The following DCC variants were observed in gnomAD, a reference collection of about 807,000 sequenced individuals.
DCC encodes DCC netrin 1 receptor.
DCC carries 58 observed loss-of-function variants against 172.5 expected under a neutral mutation model. The observed-to-expected ratio is 0.34, with a 90% confidence interval of 0.27 to 0.42. DCC has a LOEUF of 0.42. DCC is among the 10% of genes least tolerant of loss of function. The pLI, the probability that DCC is intolerant of heterozygous loss-of-function variation, is 1.00. For synonymous variants in DCC, 709 were observed against 644.5 expected (o/e 1.10, Z -1.52); for missense variants, 1,740 against 1,791.0 (o/e 0.97, Z 0.51).
At chr18:53,192,887 A>C (rs745888211) in intron 9 of DCC, among the ~76,000 whole-genome samples, 1 of 152,152 alleles carries the variant, frequency 6.6e-6, no homozygotes, top group East Asian at 1.9e-4. Context: ...TCAGTGAACA[A>C]CACCAGAATC....
chr18:53,190,911 A>G (rs1248494526), intron 9 of DCC, among the ~76,000 whole-genome samples: 3 of 152,160 alleles, frequency 2.0e-5, no homozygotes, highest in Non-Finnish European at 4.4e-5. Flanking sequence ...GCGTCACTGC[A>G]CTCTTGCCTG....
intron 1 of DCC, among the ~76,000 whole-genome samples, chr18:52,630,393 T>A (rs959304953): frequency 1.3e-5 from 2 of 152,240 alleles, no homozygotes; most frequent in Non-Finnish European, 2.9e-5. Flanking sequence ...AATTAGATTC[T>A]GAGCTATGCT....
rs1035859083 is a variant in DCC, at chr18:53,467,767, C to T, written c.3620-127C>T. 32 of 755,198 alleles carry T rather than the reference C, an allele frequency of 4.2e-5. 1 individual carries two copies. Among genetic ancestry groups the T allele is most frequent in the Middle Eastern group, 5.2e-4 (2 of 3,856 alleles). The allele number at this position is 755,198 out of a possible 1,614,324, so 46.8% of individuals were successfully genotyped here. A position where few individuals can be genotyped will look rare whatever the true frequency, so the allele number is the denominator to read the frequency against. ...TGTACAATGAAATAGATTCAGGTAA[C>T]AAGAAGGTAGATACTATCATAGAAA... On this transcript the variant is annotated intron_variant, in intron 24 of 28. Coordinates refer to ENST00000442544, the MANE Select transcript of DCC (RefSeq NM_005215.4).
At chr18:52,911,803 TTC>T (rs970326026) in intron 3 of DCC, among the ~76,000 whole-genome samples, 6 of 151,994 alleles carry the variant, frequency 3.9e-5, no homozygotes, top group Admixed American at 3.3e-4. Flanking sequence ...GAAGAAAACT[TTC>T]TCTTATACCA....
At chr18:52,589,898 A>G (rs1404683249) in intron 1 of DCC, among the ~76,000 whole-genome samples, 3 of 152,240 alleles carry the variant, frequency 2.0e-5, no homozygotes, top group Admixed American at 6.5e-5. Context: ...AGAAAGGCTT[A>G]TAAGGAGGAA....
intron 5 of DCC, among the ~76,000 whole-genome samples, chr18:52,967,031 A>G (rs2040943944): frequency 6.6e-6 from 1 of 152,116 alleles, no homozygotes; most frequent in Admixed American, 6.5e-5. Context: ...ACTAATGGTG[A>G]GGCAGGGAAA....
At chr18:53,211,073 T>C (rs981577200) in intron 11 of DCC, among the ~76,000 whole-genome samples, 1 of 152,210 alleles carries the variant, frequency 6.6e-6, no homozygotes, top group Admixed American at 6.5e-5. Context: ...TATGAACGAA[T>C]GAACCATTGA....
At chr18:53,314,170 A>T (rs1405653272) in intron 13 of DCC, among the ~76,000 whole-genome samples, 2 of 152,222 alleles carry the variant, frequency 1.3e-5, no homozygotes, top group East Asian at 3.8e-4. Context: ...AACAAATCAC[A>T]GCATAGAAGC....
At chr18:52,956,191 T>C (rs575419073) in intron 5 of DCC, among the ~76,000 whole-genome samples, 2 of 152,198 alleles carry the variant, frequency 1.3e-5, no homozygotes, top group African/African-American at 4.8e-5. Flanking sequence ...TTTTATAGTT[T>C]AGCATTTTAA....
intron 3 of DCC, among the ~76,000 whole-genome samples, chr18:52,923,505 A>G (rs954825269): frequency 6.6e-6 from 1 of 152,176 alleles, no homozygotes; most frequent in African/African-American, 2.4e-5. Context: ...GCCCTATACC[A>G]TGATGTCATC....
At chr18:52,928,062 A>G (rs1191466595) in intron 5 of DCC, among the ~76,000 whole-genome samples, 1 of 152,158 alleles carries the variant, frequency 6.6e-6, no homozygotes, top group Non-Finnish European at 1.5e-5. Context: ...TGGTAAATAT[A>G]CACCATGGAA....
At chr18:53,450,261 T>C (rs558625521) in intron 22 of DCC, among the ~76,000 whole-genome samples, 1 of 152,256 alleles carries the variant, frequency 6.6e-6, no homozygotes, top group African/African-American at 2.4e-5. Context: ...TTGGCTATTC[T>C]GAACAGTGCT....
chr18:53,052,705 T>C (rs1276383039), intron 5 of DCC, among the ~76,000 whole-genome samples: 1 of 152,134 alleles, frequency 6.6e-6, no homozygotes. Context: ...TAGTACTGTC[T>C]CCTACTCTTG....
intron 2 of DCC, among the ~76,000 whole-genome samples, chr18:52,766,214 T>G (rs2145157251): frequency 6.6e-6 from 1 of 152,282 alleles, no homozygotes; most frequent in African/African-American, 2.4e-5. Flanking sequence ...GAGCAAGCAC[T>G]TTTGGGCGCC....
intron 1 of DCC, among the ~76,000 whole-genome samples, chr18:52,701,784 AC>A (rs1202207563): frequency 2.6e-5 from 4 of 151,992 alleles, no homozygotes; most frequent in African/African-American, 9.7e-5. Context: ...TGATGTTCTC[AC>A]TGTGCTATTG....
chr18:53,441,617 C>T (rs1027780203), intron 22 of DCC, among the ~76,000 whole-genome samples: 1 of 152,146 alleles, frequency 6.6e-6, no homozygotes, highest in Non-Finnish European at 1.5e-5. Context: ...CCCCCATATC[C>T]AACCGGTGTT....
chr18:52,497,260 C>CAAAAAAAA (rs111476286), intron 1 of DCC, among the ~76,000 whole-genome samples: 23 of 53,938 alleles, frequency 4.3e-4, no homozygotes, highest in Non-Finnish European at 6.7e-4. Flanking sequence ...GACCCTGTAT[C>CAAAAAAAA]AAAAAAAAAA....
At chr18:53,225,115 T>C (rs2144601276) in intron 12 of DCC, among the ~76,000 whole-genome samples, 1 of 152,266 alleles carries the variant, frequency 6.6e-6, no homozygotes, top group Non-Finnish European at 1.5e-5. Context: ...AGCTGTTAAC[T>C]ATGTCATATA....
intron 2 of DCC, among the ~76,000 whole-genome samples, chr18:52,880,763 TC>T (rs1255917381): frequency 6.6e-6 from 1 of 152,210 alleles, no homozygotes; most frequent in Non-Finnish European, 1.5e-5. Flanking sequence ...ATTCATCTGT[TC>T]TTGGACACTC....
Sources: allele counts gnomAD v4.1 joint callset (sites outside exome capture counted in the v4.1 genomes callset), GRCh38; gene constraint gnomAD v4.1.1; transcripts MANE v1.5; gene names NCBI Gene and HGNC (gene_info 2026-07-23, HGNC 2026-07-21).